Variants in UBE2E1 observed in about 807,000 individuals in gnomAD.
UBE2E1 encodes the protein ubiquitin conjugating enzyme E2 E1.
Under a neutral mutation model 21.4 loss-of-function variants are expected in UBE2E1, and 6 were observed. That is an observed-to-expected ratio of 0.28 (90% CI 0.15 to 0.55). UBE2E1 has a LOEUF of 0.55. Ranked by LOEUF, UBE2E1 falls within the 20% of genes least tolerant of loss-of-function variation. The probability of loss-of-function intolerance (pLI) is 0.93; values close to 1 mark genes in which losing one functional copy is unlikely to be tolerated. For synonymous variants in UBE2E1, 87 were observed against 82.7 expected, an observed-to-expected ratio of 1.05 and a Z score of -0.28; for missense variants, 142 against 236.5, an observed-to-expected ratio of 0.60 and a Z score of 2.62.
At chr3:23,884,823 C>T (rs1157215418) in intron 3 of UBE2E1, among the ~76,000 whole-genome samples, 7 of 152,174 alleles carry the variant, frequency 4.6e-5, no homozygotes, top group Admixed American at 4.6e-4. Flanking sequence ...GGTTCCTCAT[C>T]TGTAAAAAGA....
chr3:23,878,090 G>C (rs1402437772), intron 3 of UBE2E1, among the ~76,000 whole-genome samples: 1 of 152,124 alleles, frequency 6.6e-6, no homozygotes, highest in Non-Finnish European at 1.5e-5. Flanking sequence ...TCACAACTGT[G>C]TTCTGGTCAA....
At chr3:23,825,994 A>G (rs1699750155) in intron 3 of UBE2E1, among the ~76,000 whole-genome samples, 1 of 152,096 alleles carries the variant, frequency 6.6e-6, no homozygotes, top group African/African-American at 2.4e-5. Context: ...GTGTACTATG[A>G]TTGCACCTGT....
chr3:23,810,609 G>A lies in UBE2E1; in HGVS notation c.153-851G>A. The A allele has an allele frequency of 1.5e-6, 2 of 1,348,956 alleles. No individual in the cohort carries two copies. Among genetic ancestry groups the A allele is most frequent in the Non-Finnish European group, 2.0e-6 (2 of 1,005,510 alleles). The allele number at this position is 1,348,956 out of a possible 1,614,324, so 83.6% of individuals were successfully genotyped here. A position where few individuals can be genotyped will look rare whatever the true frequency, so the allele number is the denominator to read the frequency against. ...GGTGCACCTGTGCGGCCGCGGGCCG[G>A]CCACTTGGGGTCTGTGGTGCCCGAG... On this transcript the variant is annotated intron_variant, in intron 2 of 5. Coordinates refer to ENST00000306627, the MANE Select transcript of UBE2E1 (RefSeq NM_003341.5). The surrounding 1 kb of genome is among the most constrained non-coding windows in gnomAD (Gnocchi z 5.8).
At position 23,845,585 on chromosome 3, in the gene UBE2E1, C is replaced by CTGTG. The variant is rs71620797; in HGVS notation, c.203+34076_203+34077insGTGT. Among the ~76,000 whole-genome samples the CTGTG allele has an allele frequency of 7.3e-4, 72 of 98,080 alleles. 2 individuals carry two copies. The highest frequency in any genetic ancestry group is 1.7e-3 in the Admixed American group (15 of 8,606). The allele number at this position is 98,080 out of a possible 152,430, so 64.3% of individuals were successfully genotyped here. A position where few individuals can be genotyped will look rare whatever the true frequency, so the allele number is the denominator to read the frequency against. On this transcript the variant is annotated intron_variant, in intron 3 of 5. Transcript: ENST00000306627. ...TTTCTCTCTCTCTCTCTCTCTCTCT[C>CTGTG]TCTCTGTGTGTGTGTGTGTGTGTGT...
At chr3:23,860,725 ATGGTGTTTTT>A (rs1700536535) in intron 3 of UBE2E1, among the ~76,000 whole-genome samples, 5 of 152,222 alleles carry the variant, frequency 3.3e-5, no homozygotes, top group African/African-American at 1.2e-4. Context: ...AAACATCAAA[ATGGTGTTTTT>A]TAAAGAATAT....
At chr3:23,881,672 A>C (rs964679760) in intron 3 of UBE2E1, among the ~76,000 whole-genome samples, 1 of 152,346 alleles carries the variant, frequency 6.6e-6, no homozygotes. Context: ...TTAATGCAAA[A>C]TTATGAAATG....
chr3:23,842,148 G>A lies in UBE2E1; in HGVS notation c.203+30638G>A, dbSNP rs567101504. The stretch of plus-strand genomic sequence containing the variant: ...TGGGCAGTGGAATCTCAGATGTTAG[G>A]ATCAGGTAAGAAGAAAGATTGAACT... On this transcript the variant is annotated intron_variant, in intron 3 of 5. Transcript: ENST00000306627. This position sits in a 1 kb window ranked among gnomAD's most constrained non-coding sequence, Gnocchi z 4.6. Among the ~76,000 whole-genome samples the A allele has an allele frequency of 2.4e-4, 36 of 148,568 alleles. No individual in the cohort carries two copies. The highest frequency in any genetic ancestry group is 3.7e-4 in the Non-Finnish European group (25 of 67,286).
Position 23,842,220 on chromosome 3 carries a change from T to TGTGTGC in UBE2E1, c.203+30715_203+30716insCGTGTG, listed in dbSNP as rs1700103093. ...AGGGGTGTGTGTGTGTGTGTGTGTGTGTGTGTGTGTGTGTGTGTGTGTGTG... is the reference window on the plus strand; with the variant it reads ...AGGGGTGTGTGTGTGTGTGTGTGTGTGTGTGCGTGTGTGTGTGTGTGTGTGTGTGTG... On this transcript the variant is annotated intron_variant, in intron 3 of 5. Transcript: ENST00000306627. The surrounding 1 kb of genome is among the most constrained non-coding windows in gnomAD (Gnocchi z 4.6). Among the ~76,000 whole-genome samples the TGTGTGC allele has an allele frequency of 1.1e-5, 1 of 88,496 alleles. No individual in the cohort carries two copies. Among genetic ancestry groups the TGTGTGC allele is most frequent in the African/African-American group, 4.5e-5 (1 of 22,404 alleles). 58.1% of individuals were successfully genotyped at this position (88,496 alleles called of 152,430 possible).
chr3:23,817,190 C>T, intron 3 of UBE2E1, among the ~76,000 whole-genome samples: 1 of 152,110 alleles, frequency 6.6e-6, no homozygotes, highest in East Asian at 1.9e-4. Flanking sequence ...CGCCTGTAAT[C>T]CCAGCACTTT....
At chr3:23,846,901 G>T (rs1700219005) in intron 3 of UBE2E1, among the ~76,000 whole-genome samples, 1 of 151,784 alleles carries the variant, frequency 6.6e-6, no homozygotes. Context: ...GATTTATCAA[G>T]ATGAATAAAT....
chr3:23,887,470 AAAGAG>A lies in UBE2E1; in HGVS notation c.204-95_204-91del. The A allele has an allele frequency of 1.4e-6, 2 of 1,458,668 alleles. No individual in the cohort carries two copies. Among genetic ancestry groups the A allele is most frequent in the Non-Finnish European group, 1.8e-6 (2 of 1,099,484 alleles). The allele number at this position is 1,458,668 out of a possible 1,614,324, so 90.4% of individuals were successfully genotyped here. On this transcript the variant is annotated intron_variant, in intron 3 of 5. Transcript: ENST00000306627. This position sits in a 1 kb window ranked among gnomAD's most constrained non-coding sequence, Gnocchi z 4.4. ...GTAAAGAGAATCCACACAGTAAACA[AAAGAG>A]AGGAGAGAGGTAATCTTTCCATCTC...
rs1699528494 is a variant in UBE2E1, at chr3:23,816,802, A to G, written c.203+5292A>G. On this transcript the variant is annotated intron_variant, in intron 3 of 5. Transcript: ENST00000306627. This position sits in a 1 kb window ranked among gnomAD's most constrained non-coding sequence, Gnocchi z 4.8. ...TGAAATACCTAGAATAGGCAAACTC[A>G]TAAGGACAGACAGTAGATTAGAGGT... is the stretch of plus-strand genomic sequence containing the variant. 6.6e-6 allele frequency among the ~76,000 whole-genome samples: 1 copy of G among 152,220 alleles called. No individual in the cohort carries two copies. The highest frequency in any genetic ancestry group is 2.1e-4 in the South Asian group (1 of 4,836).
At chr3:23,819,908 T>C (rs1005189171) in intron 3 of UBE2E1, among the ~76,000 whole-genome samples, 5 of 152,234 alleles carry the variant, frequency 3.3e-5, no homozygotes, top group African/African-American at 1.2e-4. Context: ...TTTGAATTGC[T>C]TGTTTTGACT....
chr3:23,810,094 C>A lies in UBE2E1; in HGVS notation c.153-1366C>A, dbSNP rs1699352534. On this transcript the variant is annotated intron_variant, in intron 2 of 5. Coordinates refer to ENST00000306627, the MANE Select transcript of UBE2E1 (RefSeq NM_003341.5). The surrounding 1 kb of genome is among the most constrained non-coding windows in gnomAD (Gnocchi z 5.8). ...CGTCCGTCCTCCTACCCGCAGAAAACCTTTGGAAAGGAAAACGTATCCTTT... is the reference window on the plus strand; with the variant it reads ...CGTCCGTCCTCCTACCCGCAGAAAAACTTTGGAAAGGAAAACGTATCCTTT... Among the ~76,000 whole-genome samples the A allele has an allele frequency of 6.6e-6, 1 of 152,164 alleles. No homozygotes were observed. The highest frequency in any genetic ancestry group is 1.5e-5 in the Non-Finnish European group (1 of 68,022).
chr3:23,890,672 G>T lies in UBE2E1; in HGVS notation c.*66G>T. 1 of 1,347,066 alleles carries T rather than the reference G, an allele frequency of 7.4e-7. No individual in the cohort carries two copies. Among genetic ancestry groups the T allele is most frequent in the Non-Finnish European group, 1.0e-6 (1 of 964,822 alleles). 83.4% of individuals were successfully genotyped at this position (1,347,066 alleles called of 1,614,324 possible). A position where few individuals can be genotyped will look rare whatever the true frequency, so the allele number is the denominator to read the frequency against. ...AAGAGAGCTGCTTATGATTTTGAAGGGGTCAGGGAGGGTGGGAGTTGGTAA... is the reference window on the plus strand; with the variant it reads ...AAGAGAGCTGCTTATGATTTTGAAGTGGTCAGGGAGGGTGGGAGTTGGTAA... On this transcript the variant is annotated 3_prime_UTR_variant, in exon 6 of 6. Transcript: ENST00000306627.
rs148739351 is a variant in UBE2E1 at position 23,845,454 on chromosome 3, T to C, written c.203+33944T>C. ...CCCTTTTTCTAAGCATATGTAGGAG[T>C]AGAGTGTAGATCAGTGTTTTCTGAA... On this transcript the variant is annotated intron_variant, in intron 3 of 5. Coordinates refer to ENST00000306627, the MANE Select transcript of UBE2E1 (RefSeq NM_003341.5). 3.9e-5 allele frequency among the ~76,000 whole-genome samples: 6 copies of C among 152,144 alleles called. No individual in the cohort carries two copies. In the East Asian group the frequency reaches 1.2e-3, roughly 29 times the overall value.
intron 4 of UBE2E1, chr3:23,888,238 G>A (rs1441005076): frequency 2.2e-6 from 1 of 456,940 alleles, no homozygotes; most frequent in African/African-American, 2.0e-5. Context: ...TTACCTCCAG[G>A]CCTCAGTTTT....
At chr3:23,875,344 G>A (rs909771755) in intron 3 of UBE2E1, among the ~76,000 whole-genome samples, 2 of 152,206 alleles carry the variant, frequency 1.3e-5, no homozygotes, top group Admixed American at 6.5e-5. Flanking sequence ...GCCAAGTCCT[G>A]TAGTATGTGT....
intron 3 of UBE2E1, among the ~76,000 whole-genome samples, chr3:23,859,875 T>C (rs1700514758): frequency 6.6e-6 from 1 of 152,206 alleles, no homozygotes. Context: ...TGAATATGTA[T>C]TTTTATTGGT....
Sources: allele counts gnomAD v4.1 joint callset (sites outside exome capture counted in the v4.1 genomes callset), GRCh38; gene constraint gnomAD v4.1.1; non-coding constraint Gnocchi (gnomAD v3.1); transcripts MANE v1.5; gene names NCBI Gene and HGNC (gene_info 2026-07-23, HGNC 2026-07-21).